CTU2: variants seen among roughly 807,000 people sequenced by gnomAD.
The protein encoded by CTU2 is cytosolic thiouridylase subunit 2, also known as cytoplasmic tRNA 2-thiolation protein 2.
CTU2 carries 80 observed loss-of-function variants against 64.1 expected under a neutral mutation model. The observed-to-expected ratio is 1.25, with a 90% CI of 1.04 to 1.50. The LOEUF is 1.50. Ranked by LOEUF, CTU2 falls within the 40% of genes most tolerant of loss-of-function variation. The pLI, the probability that CTU2 is intolerant of heterozygous loss-of-function variation, is 0.00. For synonymous variants in CTU2, 482 were observed against 285.3 expected, an observed-to-expected ratio of 1.69 and a Z score of -6.95; for missense variants, 1,110 against 690.2, an observed-to-expected ratio of 1.61 and a Z score of -6.81.
In CTU2 at chr16:88,713,346, G is replaced by T. The variant is rs142100748; in HGVS notation, c.772G>T (p.Gly258Cys). Residue 258 changes from glycine to cysteine, a missense_variant, in exon 8 of 15, where the codon GGC becomes TGC. Gly to Cys is a radical substitution (Grantham distance 159, BLOSUM62 -3). Transcript: ENST00000453996. The part of the protein sequence containing the change: ...HLILHMARAH[G>C]YSKVMTGDSC... ...GATCCTCCACATGGCCCGAGCCCAC[G>T]GCTACTCCAAGGTCATGACTGGGGA... 4.3e-5 allele frequency: 68 copies of T among 1,596,394 alleles called. No individual in the cohort carries two copies. The highest frequency in any genetic ancestry group is 8.9e-5 in the South Asian group (8 of 90,026).
In CTU2 at chr16:88,712,891, T is replaced by C; in HGVS notation, c.723T>C (p.Leu241=). ...GGACACTGACTGCCAAGGAGGAGCT[T>C]CTGCAGACCCTGCGGTGAGGCCCCG... The part of the protein sequence containing the change: ...SVRTLTAKEE[L]LQTLRTHLIL... Residue 241 remains leucine (L), a synonymous_variant, in exon 7 of 15, where the codon CTT becomes CTC. Coordinates refer to ENST00000453996, the MANE Select transcript of CTU2 (RefSeq NM_001012759.3). The C allele has an allele frequency of 6.6e-7, 1 of 1,525,272 alleles. No homozygotes were observed. Among genetic ancestry groups the C allele is most frequent in the Non-Finnish European group, 8.8e-7 (1 of 1,137,814 alleles). 94.5% of individuals were successfully genotyped at this position (1,525,272 alleles called of 1,614,324 possible).
At chr16:88,710,464 C>T (rs1034951166) in intron 4 of CTU2, 182 bp downstream of exon 4, 5 of 614,914 alleles carry the variant, frequency 8.1e-6, no homozygotes, top group Non-Finnish European at 1.4e-5. Context: ...GCTGAGTCCA[C>T]AGTGTGTGTG....
At chr16:88,711,729 C>A (rs372120708) in intron 5 of CTU2, 34 bp downstream of exon 5, 31 of 1,581,264 alleles carry the variant, frequency 2.0e-5, no homozygotes, top group Non-Finnish European at 2.5e-5. Context: ...TAGTCCCTGG[C>A]CACTTGGGGT....
rs776859749 is a variant in CTU2, at chr16:88,714,387, A to G, written c.1102A>G (p.Ser368Gly). 1.2e-6 allele frequency: 2 copies of G among 1,612,370 alleles called. No individual in the cohort carries two copies. Among genetic ancestry groups the G allele is most frequent in the Admixed American group, 1.7e-5 (1 of 60,022 alleles). Residue 368 changes from serine to glycine, a missense_variant, in exon 11 of 15, where the codon AGT becomes GGT. Transcript: ENST00000453996. ...PSTVSTVYRT[S>G]EKLVKGPRDG... ...CCTCCCACAATCCGGCCACAGGACA[A>G]GTGAGAAGCTGGTGAAGGGCCCCCG...
intron 5 of CTU2, 51 bp from the exon 6 acceptor site, chr16:88,712,223 C>A (rs778913817): frequency 1.3e-6 from 2 of 1,489,784 alleles, no homozygotes; most frequent in South Asian, 1.2e-5. Flanking sequence ...CTGCAGCCTG[C>A]CCTGCCTGGC....
intron 2 of CTU2, 73 bp from the exon 3 acceptor site, chr16:88,709,865 C>T (rs1396369043): frequency 3.2e-6 from 4 of 1,267,482 alleles, no homozygotes; most frequent in African/African-American, 3.0e-5. Context: ...GACGTCGTCA[C>T]CTGGCAGCGC....
chr16:88,707,564 T>C (rs565703886), intron 2 of CTU2, among the ~76,000 whole-genome samples: 54 of 152,240 alleles, frequency 3.5e-4, no homozygotes, highest in Non-Finnish European at 7.1e-4. Context: ...TCTTGGGAAC[T>C]TGGCAGATGG....
chr16:88,709,512 C>T lies in CTU2; in HGVS notation c.144-426C>T, dbSNP rs538545727. The T allele has an allele frequency of 3.0e-4, 51 of 169,736 alleles. No individual in the cohort carries two copies. In the East Asian group the frequency reaches 7.7e-3, roughly 26 times the overall value. 10.5% of individuals were successfully genotyped at this position (169,736 alleles called of 1,614,324 possible). A position where few individuals can be genotyped will look rare whatever the true frequency, so the allele number is the denominator to read the frequency against. On this transcript the variant is annotated intron_variant, in intron 2 of 14. Coordinates refer to ENST00000453996, the MANE Select transcript of CTU2 (RefSeq NM_001012759.3). ...TGCATGGTGGGTCCTCGCTGTGGCC[C>T]GCTCCATTTCCACGTTTCACCTCCA...
intron 1 of CTU2, 198 bp downstream of exon 1, chr16:88,706,796 C>T (rs1910881123): frequency 2.5e-5 from 13 of 528,270 alleles, no homozygotes; most frequent in Middle Eastern, 1.0e-3. Flanking sequence ...CGCCTCTCAT[C>T]CTAGCAGCCA....
intron 11 of CTU2, 39 bp from the exon 12 acceptor site, chr16:88,714,548 C>CAGCAGCCCCA: frequency 1.2e-6 from 2 of 1,611,992 alleles, no homozygotes; most frequent in South Asian, 2.2e-5. Context: ...TGTGGGGGCT[C>CAGCAGCCCCA]AGCAGCCCCA....
At chr16:88,714,011 T>C in intron 9 of CTU2, 125 bp from the exon 10 acceptor site, 1 of 1,099,102 alleles carries the variant, frequency 9.1e-7, no homozygotes, top group Non-Finnish European at 1.3e-6. Context: ...CCTTGAGCAG[T>C]CGCAGCAAAG....
Position 88,707,942 on chromosome 16 carries a change from C to T in CTU2, c.143+732C>T, listed in dbSNP as rs913815112. Among the ~76,000 whole-genome samples, 4 of 152,210 alleles carry T rather than the reference C, an allele frequency of 2.6e-5. No homozygotes were observed. In the East Asian group the frequency reaches 5.8e-4, roughly 22 times the overall value. Reference sequence around the variant, plus strand: ...TCTCCTGCCTCAGCCTCCTGAGTAGCTGGGATTACAGGTGCCTGCCATCAT... The same window carrying T: ...TCTCCTGCCTCAGCCTCCTGAGTAGTTGGGATTACAGGTGCCTGCCATCAT... On this transcript the variant is annotated intron_variant, in intron 2 of 14. Transcript: ENST00000453996.
intron 13 of CTU2, 25 bp from the exon 14 acceptor site, chr16:88,715,023 C>G (rs769410764): frequency 1.3e-6 from 2 of 1,578,698 alleles, no homozygotes; most frequent in Non-Finnish European, 1.7e-6. Flanking sequence ...GTTTCTTGGC[C>G]CCTCGACACC....
Position 88,713,419 on chromosome 16 carries a change from G to A in CTU2, c.845G>A (p.Gly282Asp), listed in dbSNP as rs1309232718. The change falls in exon 8 of 15, where the codon GGT becomes GAT. Residue 282 changes from glycine to aspartate, a missense_variant. Coordinates refer to ENST00000453996, the MANE Select transcript of CTU2 (RefSeq NM_001012759.3). ...AIKLMTNLAL[G>D]RGAFLAWDTG... ...AAGCTCATGACCAACCTGGCGCTGG[G>A]TCGAGGGGCCTTCCTGGCCTGGGAT... 2 of 1,593,308 alleles carry A rather than the reference G, an allele frequency of 1.3e-6. No individual in the cohort carries two copies. Among genetic ancestry groups the A allele is most frequent in the South Asian group, 1.1e-5 (1 of 88,024 alleles).
chr16:88,709,945 T>C lies in CTU2; in HGVS notation c.151T>C (p.Phe51Leu). The change falls in exon 3 of 15, where the codon TTC becomes CTC. Residue 51 changes from phenylalanine (F) to leucine (L), a missense_variant. By Grantham distance (22) the Phe-to-Leu change is conservative. Coordinates refer to ENST00000453996, the MANE Select transcript of CTU2 (RefSeq NM_001012759.3). ...RAGDAFCRDC[F>L]KAFYVHKFRA... ...CTCAGGTCTGTGTTGCAGGGACTGT[T>C]TCAAGGCCTTCTACGTCCACAAGTT... The C allele has an allele frequency of 6.2e-7, 1 of 1,613,946 alleles. No homozygotes were observed. Among genetic ancestry groups the C allele is most frequent in the Non-Finnish European group, 8.5e-7 (1 of 1,179,982 alleles).
In CTU2 at chr16:88,706,600, TA is replaced by T; in HGVS notation, c.68+4del. The T allele has an allele frequency of 1.4e-6, 2 of 1,432,174 alleles. No homozygotes were observed. The highest frequency in any genetic ancestry group is 3.1e-5 in the Admixed American group (1 of 32,782). 88.7% of individuals were successfully genotyped at this position (1,432,174 alleles called of 1,614,324 possible). Reference sequence around the variant, plus strand: ...GCCGCCCCCGGCGCCGCGGCCCAGGTAAGAGCTGGCGGCCGGACCCGCCAGG... The same window carrying T: ...GCCGCCCCCGGCGCCGCGGCCCAGGTAGAGCTGGCGGCCGGACCCGCCAGG... On this transcript the variant is annotated splice_donor_region_variant and intron_variant, in intron 1 of 14. Coordinates refer to ENST00000453996, the MANE Select transcript of CTU2 (RefSeq NM_001012759.3).
Position 88,712,715 on chromosome 16 carries a change from C to T in CTU2, c.547C>T (p.Gln183Ter), listed in dbSNP as rs766906339. 2.5e-6 allele frequency: 4 copies of T among 1,609,902 alleles called. No individual in the cohort carries two copies. Among genetic ancestry groups the T allele is most frequent in the Non-Finnish European group, 3.4e-6 (4 of 1,179,122 alleles). The change falls in exon 7 of 15, where the codon CAG becomes TAG. Residue 183 changes from glutamine (Q) to a stop codon, truncating the protein, a stop_gained. Transcript: ENST00000453996. LOFTEE classifies it high-confidence loss of function. ...CAAGGCGGCCGTGGACAGCTTCCTCCAGCAGCAGCATGTGCTGGGGGCCGG... is the reference window on the plus strand; with the variant it reads ...CAAGGCGGCCGTGGACAGCTTCCTCTAGCAGCAGCATGTGCTGGGGGCCGG... Reference protein sequence around the residue: ...AYKAAVDSFLQQQHVLGAGGG... With the variant: ...AYKAAVDSFL
Position 88,712,630 on chromosome 16 carries a change from C to G in CTU2, c.462C>G (p.Ser154Arg). The change falls in exon 7 of 15, where the codon AGC becomes AGG. Residue 154 changes from serine (S) to arginine (R), a missense_variant. Ser to Arg is a moderately radical substitution (Grantham distance 110, BLOSUM62 -1). Coordinates refer to ENST00000453996, the MANE Select transcript of CTU2 (RefSeq NM_001012759.3). The stretch of plus-strand genomic sequence containing the variant: ...CTCCCTCATCCCGGAAGGTGTTCAG[C>G]CTGCCACCGTCGGTGCTTTGGTGCT... ...WHVVALEEVF[S>R]LPPSVLWCSA... 2 of 1,609,804 alleles carry G rather than the reference C, an allele frequency of 1.2e-6. No individual in the cohort carries two copies. The highest frequency in any genetic ancestry group is 1.3e-5 in the African/African-American group (1 of 74,964).
chr16:88,710,804 A>G, intron 4 of CTU2: 1 of 160,864 alleles, frequency 6.2e-6, no homozygotes, highest in South Asian at 1.6e-4. Context: ...TTGCCAGGAG[A>G]AGCAAAGGGA....
Sources: gnomAD v4.1 joint callset for allele counts (sites outside exome capture counted in the v4.1 genomes callset) on GRCh38, gnomAD v4.1.1 for gene constraint, MANE v1.5 for transcripts, NCBI Gene and HGNC (gene_info 2026-07-23, HGNC 2026-07-21) for gene names.